The following GSDME variants were observed in gnomAD, a reference collection of about 807,000 sequenced individuals.
GSDME encodes the protein gasdermin-E.
A neutral mutation model predicts 47.5 loss-of-function variants in GSDME; 44 were observed. The observed-to-expected ratio is 0.93, with a 90% CI of 0.73 to 1.19. The LOEUF (loss-of-function observed/expected upper bound fraction) is 1.19, where lower values mean the gene tolerates loss of function less well. Among genes scored for constraint, GSDME ranks in the 50% most tolerant of loss-of-function variants. The pLI, the probability that GSDME is intolerant of heterozygous loss-of-function variation, is 0.00. For missense variants in GSDME, 663 were observed against 604.2 expected (o/e 1.10, Z -1.02); for synonymous variants, 258 against 252.8 (o/e 1.02, Z -0.20).
intron 3 of GSDME, among the ~76,000 whole-genome samples, chr7:24,743,646 C>A (rs1008804877): frequency 5.3e-5 from 8 of 152,184 alleles, no homozygotes; most frequent in Non-Finnish European, 8.8e-5. Context: ...CCTTTCAGCC[C>A]CTCCGACTCT....
chr7:24,710,895 T>C (rs564370428), intron 5 of GSDME, among the ~76,000 whole-genome samples: 15 of 152,342 alleles, frequency 9.8e-5, no homozygotes, highest in Admixed American at 5.2e-4. Context: ...TCTGCAGTTA[T>C]ATGAATGAAT....
intron 3 of GSDME, among the ~76,000 whole-genome samples, chr7:24,720,713 C>T (rs552096680): frequency 5.3e-5 from 8 of 152,270 alleles, no homozygotes; most frequent in East Asian, 1.9e-4. Context: ...GTCGGGAGTT[C>T]GAGACCAGCC....
the GSDME span, among the ~76,000 whole-genome samples, chr7:24,787,272 G>C: frequency 6.6e-6 from 1 of 152,184 alleles, no homozygotes; most frequent in Non-Finnish European, 1.5e-5. The surrounding 1 kb of genome is among the most constrained non-coding windows in gnomAD (Gnocchi z 5.0). Context: ...GGGAAGGAGG[G>C]AACATGGCCC....
chr7:24,708,364 T>C, intron 6 of GSDME, 110 bp from the exon 7 acceptor site: 1 of 1,303,154 alleles, frequency 7.7e-7, no homozygotes, highest in Non-Finnish European at 1.1e-6. Context: ...TTCATGGATA[T>C]TCCCAGCTGC....
chr7:24,706,555 G>A (rs765588892), intron 7 of GSDME, among the ~76,000 whole-genome samples, 179 bp from the exon 8 acceptor site: 4 of 152,328 alleles, frequency 2.6e-5, no homozygotes, highest in South Asian at 2.1e-4. Flanking sequence ...TTTCACTGAC[G>A]GGACAGTAAG....
chr7:24,707,699 C>G (rs75404820), intron 7 of GSDME: 1 of 340,278 alleles, frequency 2.9e-6, no homozygotes, highest in Admixed American at 4.4e-5. Context: ...CACACACACA[C>G]AGAGGGGAAG....
chr7:24,780,464 G>T, the GSDME span, among the ~76,000 whole-genome samples: 2 of 152,104 alleles, frequency 1.3e-5, no homozygotes, highest in Admixed American at 1.3e-4. The surrounding 1 kb of genome is among the most constrained non-coding windows in gnomAD (Gnocchi z 4.1). Context: ...TAACATCCAA[G>T]CAAAGGATTT....
chr7:24,737,350 G>A (rs923502053), intron 3 of GSDME, among the ~76,000 whole-genome samples: 1 of 151,968 alleles, frequency 6.6e-6, no homozygotes, highest in Non-Finnish European at 1.5e-5. Flanking sequence ...AGGATCATTA[G>A]AGGCTACTAT....
the GSDME span, among the ~76,000 whole-genome samples, chr7:24,772,664 G>C: frequency 6.6e-6 from 1 of 152,178 alleles, no homozygotes; most frequent in Non-Finnish European, 1.5e-5. This position sits in a 1 kb window ranked among gnomAD's most constrained non-coding sequence, Gnocchi z 4.5. Flanking sequence ...TGATTTCATG[G>C]GCATATTTCT....
Position 24,739,376 on chromosome 7 carries a change from T to G in GSDME, c.404+5186A>C, listed in dbSNP as rs142361504. Among the ~76,000 whole-genome samples the G allele has an allele frequency of 5.0e-3, 754 of 152,286 alleles. 1 individual carries two copies. Among genetic ancestry groups the G allele is most frequent in the Non-Finnish European group, 7.5e-3 (507 of 68,002 alleles). On this transcript the variant is annotated intron_variant, in intron 3 of 9. Coordinates refer to ENST00000645220, the MANE Select transcript of GSDME (RefSeq NM_001127453.2). This position sits in a 1 kb window ranked among gnomAD's most constrained non-coding sequence, Gnocchi z 5.1. ...AATGTCAGACAGGCATATGAAAATGTGCTCAACATCATTGATCATCAGGGA... is the reference window on the plus strand; with the variant it reads ...AATGTCAGACAGGCATATGAAAATGGGCTCAACATCATTGATCATCAGGGA...
chr7:24,746,722 C>T lies in GSDME; in HGVS notation c.212-1968G>A, dbSNP rs747078458. Among the ~76,000 whole-genome samples the T allele has an allele frequency of 2.6e-5, 4 of 152,140 alleles. No homozygotes were observed. The South Asian group carries it at 8.3e-4, about 32-fold the overall frequency. The stretch of plus-strand genomic sequence containing the variant: ...TGAAAAGCCACTCTAGACACACCTC[C>T]GAAGAAGATGTCATTTGTGCACACT... On this transcript the variant is annotated intron_variant, in intron 2 of 9. Coordinates refer to ENST00000645220, the MANE Select transcript of GSDME (RefSeq NM_001127453.2).
At chr7:24,772,116 C>T in the GSDME span, among the ~76,000 whole-genome samples, 3 of 152,188 alleles carry the variant, frequency 2.0e-5, no homozygotes, top group African/African-American at 7.2e-5. This position sits in a 1 kb window ranked among gnomAD's most constrained non-coding sequence, Gnocchi z 4.5. Context: ...ATCCCAAGTC[C>T]TTGCATCCTC....
Position 24,744,774 on chromosome 7 carries a change from C to T in GSDME, c.212-20G>A, listed in dbSNP as rs1790598485. ...CGACCACTGGAATGGAGGAGACGAGCAGAGGAAGCCGATGATGATAAGGCC... is the reference window on the plus strand; with the variant it reads ...CGACCACTGGAATGGAGGAGACGAGTAGAGGAAGCCGATGATGATAAGGCC... On this transcript the variant is annotated intron_variant, in intron 2 of 9. Transcript: ENST00000645220. The surrounding 1 kb of genome is among the most constrained non-coding windows in gnomAD (Gnocchi z 4.5). 3 of 1,613,542 alleles carry T rather than the reference C, an allele frequency of 1.9e-6. No homozygotes were observed. Among genetic ancestry groups the T allele is most frequent in the Non-Finnish European group, 8.5e-7 (1 of 1,179,864 alleles).
chr7:24,710,247 C>A lies in GSDME; in HGVS notation c.839G>T (p.Gly280Val). ...DAAHGISSQD[G>V]PLSVLKQATL... ...ACCTTGCTTTAAAACACTTAATGGT[C>A]CATCCTGGGAAGATATCCCATGCGC... Residue 280 changes from glycine to valine, a missense_variant, in exon 6 of 10, where the codon GGA becomes GTA. Coordinates refer to ENST00000645220, the MANE Select transcript of GSDME (RefSeq NM_001127453.2). 1.2e-6 allele frequency: 2 copies of A among 1,614,064 alleles called. No homozygotes were observed. Among genetic ancestry groups the A allele is most frequent in the Non-Finnish European group, 8.5e-7 (1 of 1,180,050 alleles).
chr7:24,750,464 T>C (rs1026831204), intron 1 of GSDME, among the ~76,000 whole-genome samples: 7 of 151,952 alleles, frequency 4.6e-5, no homozygotes, highest in African/African-American at 1.7e-4. Context: ...AATTAAAAAA[T>C]TAGCTGGGTG....
At chr7:24,702,710 C>G (rs757495680) in intron 9 of GSDME, 50 bp downstream of exon 9, 2 of 1,514,204 alleles carry the variant, frequency 1.3e-6, no homozygotes, top group African/African-American at 1.4e-5. Context: ...ACCCCCTCAT[C>G]ATTTCCCCAT....
intron 6 of GSDME, 123 bp downstream of exon 6, chr7:24,710,101 C>T: frequency 1.8e-6 from 2 of 1,129,876 alleles, no homozygotes; most frequent in Non-Finnish European, 2.7e-6. Context: ...GGCATCACCT[C>T]TCTTCTCATA....
At chr7:24,783,817 C>T in the GSDME span, among the ~76,000 whole-genome samples, 2 of 151,948 alleles carry the variant, frequency 1.3e-5, no homozygotes, top group African/African-American at 4.8e-5. Context: ...TCCCAGGCTC[C>T]TTGTGTGAGC....
At position 24,744,784 on chromosome 7, in the gene GSDME, CGAT is replaced by C; in HGVS notation, c.212-33_212-31del. ...AATGGAGGAGACGAGCAGAGGAAGC[CGAT>C]GATGATAAGGCCACCAAGATGTCTT... On this transcript the variant is annotated intron_variant, in intron 2 of 9. Transcript: ENST00000645220. This position sits in a 1 kb window ranked among gnomAD's most constrained non-coding sequence, Gnocchi z 4.5. 6.2e-7 allele frequency: 1 copy of C among 1,611,198 alleles called. No individual in the cohort carries two copies. Among genetic ancestry groups the C allele is most frequent in the Non-Finnish European group, 8.5e-7 (1 of 1,178,826 alleles).
Sources: allele counts gnomAD v4.1 joint callset (sites outside exome capture counted in the v4.1 genomes callset), GRCh38; gene constraint gnomAD v4.1.1; non-coding constraint Gnocchi (gnomAD v3.1); transcripts MANE v1.5; gene names NCBI Gene and HGNC (gene_info 2026-07-23, HGNC 2026-07-21).